Variants in DSCAM observed in about 807,000 individuals in gnomAD.
The protein encoded by DSCAM is DS cell adhesion molecule.
In DSCAM, 47 loss-of-function variants were observed where a neutral mutation model predicts 217.7. The observed-to-expected ratio is 0.22, with a 90% CI of 0.17 to 0.28. DSCAM has a LOEUF of 0.28. DSCAM is among the 10% of genes least tolerant of loss of function. The pLI, the probability that DSCAM is intolerant of heterozygous loss-of-function variation, is 1.00. For missense variants in DSCAM, 2,080 were observed against 2,618.3 expected (o/e 0.79, Z 4.49); for synonymous variants, 1,056 against 1,015.3 (o/e 1.04, Z -0.76).
At position 40,637,442 on chromosome 21, in the gene DSCAM, T is replaced by A. The variant is rs190825586; in HGVS notation, c.508+55368A>T. 1.8e-4 allele frequency among the ~76,000 whole-genome samples: 8 copies of A among 44,948 alleles called. 2 individuals carry two copies. The highest frequency in any genetic ancestry group is 1.1e-3 in the Admixed American group (2 of 1,820). The allele number at this position is 44,948 out of a possible 152,430, so 29.5% of individuals were successfully genotyped here. On this transcript the variant is annotated intron_variant, in intron 3 of 32. Coordinates refer to ENST00000400454, the MANE Select transcript of DSCAM (RefSeq NM_001389.5). ...ATATATAAATATATAAATATAAATA[T>A]ATATATAAATATATACAAATATATA...
At chr21:40,065,313 T>C (rs746417759) in intron 27 of DSCAM, among the ~76,000 whole-genome samples, 6 of 151,964 alleles carry the variant, frequency 3.9e-5, no homozygotes, top group Non-Finnish European at 7.4e-5. Context: ...TTTGGAAAGA[T>C]GCCAGGGCTG....
At chr21:40,221,963 C>A (rs192961536) in intron 11 of DSCAM, among the ~76,000 whole-genome samples, 118 of 152,236 alleles carry the variant, frequency 7.8e-4, no homozygotes, top group African/African-American at 2.7e-3. Flanking sequence ...ATGAGCTGAT[C>A]AGCTGTGATT....
chr21:40,443,048 G>T (rs2075645819), intron 3 of DSCAM, among the ~76,000 whole-genome samples: 1 of 152,180 alleles, frequency 6.6e-6, no homozygotes, highest in Non-Finnish European at 1.5e-5. Context: ...CACCACTACA[G>T]ATTTCTTAGT....
chr21:40,031,694 G>A (rs945736943), intron 32 of DSCAM, among the ~76,000 whole-genome samples: 3 of 152,130 alleles, frequency 2.0e-5, no homozygotes, highest in Admixed American at 6.5e-5. Context: ...AAAGCCACAC[G>A]AAGGCCCAGG....
At chr21:40,722,229 TG>T (rs1170868566) in intron 1 of DSCAM, among the ~76,000 whole-genome samples, 2 of 152,084 alleles carry the variant, frequency 1.3e-5, no homozygotes, top group Non-Finnish European at 2.9e-5. Flanking sequence ...CATAAAGAAA[TG>T]AAGAGTGACA....
At chr21:40,770,847 T>A (rs533028936) in intron 1 of DSCAM, among the ~76,000 whole-genome samples, 2 of 152,230 alleles carry the variant, frequency 1.3e-5, no homozygotes, top group Non-Finnish European at 2.9e-5. Context: ...CTAGGAAAAC[T>A]TTTTAGTTGT....
intron 27 of DSCAM, among the ~76,000 whole-genome samples, chr21:40,066,363 T>C (rs1013757898): frequency 6.6e-6 from 1 of 152,270 alleles, no homozygotes; most frequent in Non-Finnish European, 1.5e-5. Flanking sequence ...TATTTCCATG[T>C]AGCTGCATTT....
intron 3 of DSCAM, among the ~76,000 whole-genome samples, chr21:40,577,115 T>C (rs2076857676): frequency 6.6e-6 from 1 of 151,780 alleles, no homozygotes; most frequent in Non-Finnish European, 1.5e-5. Flanking sequence ...CATTCATATA[T>C]TATGAACAAA....
intron 3 of DSCAM, among the ~76,000 whole-genome samples, chr21:40,668,880 T>TG (rs1326904854): frequency 1.4e-5 from 2 of 138,078 alleles, no homozygotes; most frequent in Non-Finnish European, 3.2e-5. Flanking sequence ...AGATAGTGAT[T>TG]GGGAAAAAAA....
intron 11 of DSCAM, among the ~76,000 whole-genome samples, chr21:40,256,588 C>T (rs115625864): frequency 1.0e-3 from 153 of 151,130 alleles, no homozygotes; most frequent in African/African-American, 3.3e-3. Context: ...AGCTTGGGTC[C>T]GAAGGAGGCA....
At chr21:40,803,085 G>A (rs2091756592) in intron 1 of DSCAM, among the ~76,000 whole-genome samples, 1 of 152,198 alleles carries the variant, frequency 6.6e-6, no homozygotes, top group African/African-American at 2.4e-5. Context: ...GGGTAAGTCA[G>A]AGAAGTCAGT....
chr21:40,845,336 G>C (rs572141454), intron 1 of DSCAM, among the ~76,000 whole-genome samples: 1 of 152,162 alleles, frequency 6.6e-6, no homozygotes, highest in Non-Finnish European at 1.5e-5. Flanking sequence ...AATTGACAAT[G>C]CTCATGCATT....
chr21:40,800,456 A>C (rs1333560276), intron 1 of DSCAM, among the ~76,000 whole-genome samples: 1 of 152,172 alleles, frequency 6.6e-6, no homozygotes, highest in Non-Finnish European at 1.5e-5. Flanking sequence ...GGAAGTTTGT[A>C]ACTCCTTAGG....
At chr21:40,310,203 T>C (rs190601989) in intron 9 of DSCAM, among the ~76,000 whole-genome samples, 1 of 152,328 alleles carries the variant, frequency 6.6e-6, no homozygotes, top group East Asian at 1.9e-4. Context: ...TAGTGATTTT[T>C]GGGAAAAAAG....
At chr21:40,548,927 G>A (rs922896143) in intron 3 of DSCAM, among the ~76,000 whole-genome samples, 8 of 152,298 alleles carry the variant, frequency 5.3e-5, no homozygotes, top group African/African-American at 1.2e-4. Context: ...AAACAAGGCC[G>A]GGCACGGTGG....
At chr21:40,374,455 A>G (rs1315093915) in intron 3 of DSCAM, among the ~76,000 whole-genome samples, 1 of 152,244 alleles carries the variant, frequency 6.6e-6, no homozygotes, top group Non-Finnish European at 1.5e-5. Context: ...TTACATCATA[A>G]TTCTGCCATT....
chr21:40,533,022 G>A (rs995422852), intron 3 of DSCAM, among the ~76,000 whole-genome samples: 2 of 151,806 alleles, frequency 1.3e-5, no homozygotes, highest in Non-Finnish European at 2.9e-5. Context: ...CTGGACAGAC[G>A]TGGGTTAAAA....
At chr21:40,843,421 T>A (rs2092118848) in intron 1 of DSCAM, among the ~76,000 whole-genome samples, 1 of 151,454 alleles carries the variant, frequency 6.6e-6, no homozygotes, top group Non-Finnish European at 1.5e-5. Flanking sequence ...AAAACAGAGA[T>A]GCCAGGATAC....
chr21:40,157,841 C>T (rs1347097968), intron 16 of DSCAM, among the ~76,000 whole-genome samples: 1 of 151,974 alleles, frequency 6.6e-6, no homozygotes, highest in African/African-American at 2.4e-5. Context: ...ACCACAGGCA[C>T]ACACCACCAC....
Sources: allele counts gnomAD v4.1 joint callset (sites outside exome capture counted in the v4.1 genomes callset), GRCh38; gene constraint gnomAD v4.1.1; transcripts MANE v1.5; gene names NCBI Gene and HGNC (gene_info 2026-07-23, HGNC 2026-07-21).